KIF26B: variants seen among roughly 807,000 people sequenced by gnomAD.
The protein encoded by KIF26B is kinesin family member 26B.
Under a neutral mutation model 151.2 loss-of-function variants are expected in KIF26B, and 63 were observed. That is an observed-to-expected ratio of 0.42 (90% CI 0.34 to 0.51). The LOEUF is 0.51. KIF26B is among the 20% of genes least tolerant of loss of function. KIF26B has a pLI of 0.07. For synonymous variants in KIF26B, 1,357 were observed against 1,262.1 expected (o/e 1.08, Z -1.59); for missense variants, 2,813 against 2,913.6 (o/e 0.97, Z 0.79).
At chr1:245,558,623 G>C (rs573332280) in intron 5 of KIF26B, among the ~76,000 whole-genome samples, 3 of 152,338 alleles carry the variant, frequency 2.0e-5, no homozygotes, top group African/African-American at 7.2e-5. Context: ...GAAGGTGCTA[G>C]ATACATGTTT....
intron 10 of KIF26B, among the ~76,000 whole-genome samples, chr1:245,656,371 T>C (rs60012394): frequency 0.1 from 15,152 of 152,252 alleles, 1,238 homozygotes; most frequent in East Asian, 0.45. Flanking sequence ...GCCTGAGTCA[T>C]TCACACCTGT....
intron 2 of KIF26B, among the ~76,000 whole-genome samples, chr1:245,360,334 A>T (rs568885300): frequency 6.6e-6 from 1 of 152,296 alleles, no homozygotes; most frequent in African/African-American, 2.4e-5. Flanking sequence ...TCCTCATCCC[A>T]ACATTATATG....
chr1:245,632,689 C>G (rs1445475094), intron 9 of KIF26B, among the ~76,000 whole-genome samples: 1 of 152,214 alleles, frequency 6.6e-6, no homozygotes, highest in Non-Finnish European at 1.5e-5. Context: ...GGGCCAATCA[C>G]TTGAGCTCAG....
intron 4 of KIF26B, among the ~76,000 whole-genome samples, chr1:245,502,475 C>G (rs149470622): frequency 6.7e-6 from 1 of 148,890 alleles, no homozygotes; most frequent in Non-Finnish European, 1.5e-5. Context: ...TGCAGTGAGC[C>G]GAGATCCTGC....
At chr1:245,333,911 T>C (rs1026803440) in intron 2 of KIF26B, among the ~76,000 whole-genome samples, 1 of 151,984 alleles carries the variant, frequency 6.6e-6, no homozygotes, top group African/African-American at 2.4e-5. Context: ...GGCACGAGAA[T>C]TGCTTGAACT....
intron 10 of KIF26B, among the ~76,000 whole-genome samples, chr1:245,659,563 G>A (rs569634133): frequency 2.8e-4 from 42 of 152,170 alleles, no homozygotes; most frequent in Non-Finnish European, 5.1e-4. Context: ...TGCTCTACCG[G>A]GTTATTTTGA....
intron 2 of KIF26B, among the ~76,000 whole-genome samples, chr1:245,204,533 C>T (rs1365301286): frequency 6.6e-6 from 1 of 152,056 alleles, no homozygotes; most frequent in Non-Finnish European, 1.5e-5. Context: ...GCCACCATGC[C>T]CAGCTAATTT....
intron 5 of KIF26B, among the ~76,000 whole-genome samples, chr1:245,550,326 T>C (rs114416179): frequency 0.018 from 2,770 of 152,318 alleles, 87 homozygotes; most frequent in African/African-American, 0.063. Flanking sequence ...AATTGGTCTG[T>C]TTTCCAATGC....
At chr1:245,292,010 G>A (rs750182974) in intron 2 of KIF26B, among the ~76,000 whole-genome samples, 4 of 152,132 alleles carry the variant, frequency 2.6e-5, no homozygotes, top group Non-Finnish European at 5.9e-5. Context: ...CTGTTGAAGG[G>A]TTACAGACAC....
chr1:245,464,118 G>A (rs2103059217), intron 4 of KIF26B, among the ~76,000 whole-genome samples: 2 of 152,260 alleles, frequency 1.3e-5, no homozygotes, highest in Middle Eastern at 6.8e-3. Flanking sequence ...AGGAGCCCAA[G>A]TCAAACACTA....
chr1:245,589,851 G>A (rs1467418662), intron 5 of KIF26B, among the ~76,000 whole-genome samples: 1 of 152,186 alleles, frequency 6.6e-6, no homozygotes, highest in Non-Finnish European at 1.5e-5. Context: ...GTGGCAAGGA[G>A]GTACAGAAGA....
intron 2 of KIF26B, among the ~76,000 whole-genome samples, chr1:245,329,020 A>G (rs1273704568): frequency 6.6e-6 from 1 of 152,226 alleles, no homozygotes; most frequent in African/African-American, 2.4e-5. Flanking sequence ...TGCAAAAGGC[A>G]TGAAATTGTG....
At chr1:245,640,141 C>CTCTCTCTCTCTCTCTCTCTCTCTCTA in intron 9 of KIF26B, among the ~76,000 whole-genome samples, 1 of 31,708 alleles carries the variant, frequency 3.2e-5, no homozygotes, top group South Asian at 1.2e-3. Context: ...CTCTCTCTCT[C>CTCTCTCTCTCTCTCTCTCTCTCTCTA]TCTATATATA....
At chr1:245,640,940 T>G (rs550797971) in intron 9 of KIF26B, among the ~76,000 whole-genome samples, 1 of 152,248 alleles carries the variant, frequency 6.6e-6, no homozygotes, top group South Asian at 2.1e-4. Context: ...TTTTAAATGG[T>G]TTAGATGCCA....
intron 2 of KIF26B, among the ~76,000 whole-genome samples, chr1:245,335,593 G>C: frequency 6.8e-6 from 1 of 146,590 alleles, no homozygotes; most frequent in East Asian, 2.1e-4. Context: ...GCGGGAAAAG[G>C]AGAGTGCCAC....
At chr1:245,299,649 G>A (rs970386293) in intron 2 of KIF26B, among the ~76,000 whole-genome samples, 1 of 152,190 alleles carries the variant, frequency 6.6e-6, no homozygotes, top group Non-Finnish European at 1.5e-5. Flanking sequence ...GAGGCTCAGA[G>A]AAGTTAGGGG....
chr1:245,253,212 T>C (rs973493324), intron 2 of KIF26B, among the ~76,000 whole-genome samples: 1 of 151,994 alleles, frequency 6.6e-6, no homozygotes, highest in East Asian at 1.9e-4. Flanking sequence ...TTTCACCATA[T>C]TGGTCGGGCT....
chr1:245,176,333 G>T (rs555426497), intron 2 of KIF26B, among the ~76,000 whole-genome samples: 1 of 152,126 alleles, frequency 6.6e-6, no homozygotes, highest in Non-Finnish European at 1.5e-5. Context: ...AAACATATTT[G>T]TTTAGGGAAA....
chr1:245,203,851 C>T (rs1330930460), intron 2 of KIF26B, among the ~76,000 whole-genome samples: 2 of 152,186 alleles, frequency 1.3e-5, no homozygotes, highest in African/African-American at 4.8e-5. Flanking sequence ...TTTGTGGCTA[C>T]ATTCGTATTC....
Sources: gnomAD v4.1 joint callset for allele counts (sites outside exome capture counted in the v4.1 genomes callset) on GRCh38, gnomAD v4.1.1 for gene constraint, MANE v1.5 for transcripts, NCBI Gene and HGNC (gene_info 2026-07-23, HGNC 2026-07-21) for gene names.